PARD3: variants seen among roughly 807,000 people sequenced by gnomAD.
PARD3 encodes the protein partitioning defective 3 homolog.
In PARD3, 75 loss-of-function variants were observed where a neutral mutation model predicts 155.4. That is an observed-to-expected ratio of 0.48 (90% CI 0.40 to 0.58). The LOEUF is 0.58. Ranked by LOEUF, PARD3 falls within the 20% of genes least tolerant of loss-of-function variation. PARD3 has a pLI of 0.00. For synonymous variants in PARD3, 576 were observed against 610.5 expected, an observed-to-expected ratio of 0.94 and a Z score of 0.83; for missense variants, 1,642 against 1,721.7, an observed-to-expected ratio of 0.95 and a Z score of 0.82.
At chr10:34,551,664 C>T (rs2084579450) in intron 2 of PARD3, among the ~76,000 whole-genome samples, 1 of 152,146 alleles carries the variant, frequency 6.6e-6, no homozygotes, top group Non-Finnish European at 1.5e-5. Context: ...CAGAAGGTTT[C>T]CCCAGCAATT....
intron 2 of PARD3, among the ~76,000 whole-genome samples, chr10:34,693,448 A>C (rs1261758334): frequency 6.6e-6 from 1 of 152,188 alleles, no homozygotes; most frequent in African/African-American, 2.4e-5. Flanking sequence ...TGTTTTTTGC[A>C]ACAACATGAA....
chr10:34,219,344 T>A (rs747188588), intron 22 of PARD3, among the ~76,000 whole-genome samples: 1 of 151,908 alleles, frequency 6.6e-6, no homozygotes, highest in African/African-American at 2.4e-5. Flanking sequence ...AGAAAATAAC[T>A]CCAGGAAAAA....
At chr10:34,336,288 T>A (rs761729841) in intron 17 of PARD3, 45 bp from the exon 18 acceptor site, 25 of 1,423,932 alleles carry the variant, frequency 1.8e-5, no homozygotes, top group Non-Finnish European at 2.4e-5. Flanking sequence ...TTAGTTCCCA[T>A]AGCCCACCAT....
intron 1 of PARD3, among the ~76,000 whole-genome samples, chr10:34,718,277 A>G (rs2094551955): frequency 6.6e-6 from 1 of 152,216 alleles, no homozygotes; most frequent in Non-Finnish European, 1.5e-5. Flanking sequence ...AAAATACAGA[A>G]AACACTAAAG....
chr10:34,804,823 GTC>G (rs754473846), intron 1 of PARD3, among the ~76,000 whole-genome samples: 11 of 152,164 alleles, frequency 7.2e-5, no homozygotes, highest in Middle Eastern at 3.4e-3. Flanking sequence ...AAAAAATCTA[GTC>G]TCATATATAC....
At chr10:34,450,629 T>C (rs1052832907) in intron 4 of PARD3, among the ~76,000 whole-genome samples, 181 bp from the exon 5 acceptor site, 2 of 152,118 alleles carry the variant, frequency 1.3e-5, no homozygotes, top group African/African-American at 2.4e-5. Context: ...ATTATAACCA[T>C]GTGCCGAGGA....
chr10:34,756,149 CCTTT>C (rs1298094858), intron 1 of PARD3, among the ~76,000 whole-genome samples: 31 of 96,154 alleles, frequency 3.2e-4, no homozygotes, highest in African/African-American at 1.0e-3. Flanking sequence ...AAAAAATGCA[CCTTT>C]TTTTTTTTTT....
chr10:34,732,755 A>C (rs1183534209), intron 1 of PARD3, among the ~76,000 whole-genome samples: 1 of 152,234 alleles, frequency 6.6e-6, no homozygotes, highest in Non-Finnish European at 1.5e-5. Flanking sequence ...AAATGAGTTA[A>C]AATTCATATA....
chr10:34,511,776 G>T (rs1440531512), intron 3 of PARD3, among the ~76,000 whole-genome samples: 1 of 151,914 alleles, frequency 6.6e-6, no homozygotes, highest in African/African-American at 2.4e-5. Context: ...ACTCAGTCTG[G>T]TGTGCAGTGG....
chr10:34,565,741 C>T (rs1418559748), intron 2 of PARD3, among the ~76,000 whole-genome samples: 1 of 152,106 alleles, frequency 6.6e-6, no homozygotes, highest in Non-Finnish European at 1.5e-5. Context: ...AAGACAGTGG[C>T]CCCTTCCCTT....
chr10:34,500,504 G>A (rs57977439), intron 3 of PARD3, among the ~76,000 whole-genome samples: 15,345 of 152,146 alleles, frequency 0.1, 2,418 homozygotes, highest in African/African-American at 0.34. Context: ...CACTTTGGGA[G>A]GTCAAGGCAG....
chr10:34,459,269 C>T (rs1255409558), intron 4 of PARD3, among the ~76,000 whole-genome samples: 2 of 152,158 alleles, frequency 1.3e-5, no homozygotes, highest in Non-Finnish European at 2.9e-5. Context: ...CGGGTTCACG[C>T]CATCCTCCAG....
chr10:34,200,326 G>T (rs1951152496), intron 22 of PARD3, among the ~76,000 whole-genome samples: 1 of 151,764 alleles, frequency 6.6e-6, no homozygotes, highest in South Asian at 2.1e-4. Flanking sequence ...AGCAATAACA[G>T]GAAAAAAAAA....
chr10:34,221,991 A>T (rs544513739), intron 22 of PARD3, among the ~76,000 whole-genome samples: 3 of 152,210 alleles, frequency 2.0e-5, no homozygotes, highest in Non-Finnish European at 4.4e-5. Flanking sequence ...AATGTTACTG[A>T]ACTGTACCCT....
intron 5 of PARD3, among the ~76,000 whole-genome samples, chr10:34,426,075 A>G (rs1466603119): frequency 3.3e-5 from 5 of 152,208 alleles, no homozygotes; most frequent in African/African-American, 1.2e-4. Context: ...CTGAGCAAAA[A>G]CAAAATGGCA....
chr10:34,655,822 C>T (rs1211152938), intron 2 of PARD3, among the ~76,000 whole-genome samples: 3 of 152,190 alleles, frequency 2.0e-5, no homozygotes, highest in African/African-American at 7.2e-5. Context: ...CTTTTAAGAA[C>T]TTTAAATTCC....
chr10:34,133,516 C>T (rs376898139), intron 22 of PARD3, among the ~76,000 whole-genome samples: 2 of 152,258 alleles, frequency 1.3e-5, no homozygotes, highest in South Asian at 4.1e-4. Context: ...CATATATACC[C>T]TCCAAGCTGC....
chr10:34,554,350 T>G (rs556864806), intron 2 of PARD3, among the ~76,000 whole-genome samples: 1 of 152,360 alleles, frequency 6.6e-6, no homozygotes, highest in East Asian at 1.9e-4. Context: ...TTAAACTTTG[T>G]GCATCATTAA....
intron 14 of PARD3, among the ~76,000 whole-genome samples, chr10:34,350,643 G>GA (rs1837969570): frequency 1.4e-5 from 2 of 143,222 alleles, no homozygotes; most frequent in African/African-American, 5.5e-5. Flanking sequence ...CGGGGGGGGA[G>GA]GGGGGGTGGT....
Sources: allele counts gnomAD v4.1 joint callset (sites outside exome capture counted in the v4.1 genomes callset), GRCh38; gene constraint gnomAD v4.1.1; transcripts MANE v1.5; gene names NCBI Gene and HGNC (gene_info 2026-07-23, HGNC 2026-07-21).